The following GABPB1 variants were observed in gnomAD, a reference collection of about 807,000 sequenced individuals.
The protein encoded by GABPB1 is GA binding protein transcription factor subunit beta 1, also known as GA-binding protein subunit beta-1.
GABPB1 carries 15 observed loss-of-function variants against 45.9 expected under a neutral mutation model. The ratio of observed to expected loss-of-function variants is 0.33; its 90% CI spans 0.22 to 0.50. The LOEUF (loss-of-function observed/expected upper bound fraction) is 0.50, where lower values mean the gene tolerates loss of function less well. GABPB1 is among the 20% of genes least tolerant of loss of function. GABPB1 has a pLI of 0.98. For missense variants in GABPB1, 252 were observed against 457.5 expected (o/e 0.55, Z 4.10); for synonymous variants, 143 against 154.4 (o/e 0.93, Z 0.55).
chr15:50,321,069 T>C (rs2047553353), intron 1 of GABPB1, among the ~76,000 whole-genome samples: 1 of 152,214 alleles, frequency 6.6e-6, no homozygotes. Context: ...TATTACACGA[T>C]AGGAATAGGA....
intron 8 of GABPB1, among the ~76,000 whole-genome samples, chr15:50,282,066 T>C (rs1595726515): frequency 6.6e-6 from 1 of 152,132 alleles, no homozygotes; most frequent in Non-Finnish European, 1.5e-5. Context: ...GGCATGGTGG[T>C]GTAGCCTGTA....
At chr15:50,337,161 T>C (rs1244120729) in intron 1 of GABPB1, among the ~76,000 whole-genome samples, 2 of 121,702 alleles carry the variant, frequency 1.6e-5, no homozygotes, top group Non-Finnish European at 3.4e-5. Flanking sequence ...TCCAAAACTC[T>C]AGCCCAGCCC....
chr15:50,307,485 C>T (rs1046149092), intron 2 of GABPB1, among the ~76,000 whole-genome samples: 2 of 152,120 alleles, frequency 1.3e-5, no homozygotes, highest in South Asian at 2.1e-4. Flanking sequence ...GGGCTGATCA[C>T]GGGGTCAGGA....
rs1046206021 is a variant in GABPB1 at position 50,354,416 on chromosome 15, C to G, written c.-1+569G>C. 63 of 451,584 alleles carry G rather than the reference C, an allele frequency of 1.4e-4. 1 individual carries two copies. Among genetic ancestry groups the G allele is most frequent in the African/African-American group, 1.3e-3 (62 of 49,058 alleles). 28.0% of individuals were successfully genotyped at this position (451,584 alleles called of 1,614,324 possible). A position where few individuals can be genotyped will look rare whatever the true frequency, so the allele number is the denominator to read the frequency against. On this transcript the variant is annotated intron_variant, in intron 1 of 8. Transcript: ENST00000380877. ...TGGTCCGGCCGATCCCGCCGCGACC[C>G]GAGCGCCTCTCGGCCCCGCAGCACA...
intron 1 of GABPB1, among the ~76,000 whole-genome samples, chr15:50,314,195 A>ATT (rs543031188): frequency 6.7e-6 from 1 of 149,638 alleles, no homozygotes; most frequent in Non-Finnish European, 1.5e-5. Flanking sequence ...TTATTTATTT[A>ATT]TTTTTTGAGA....
At chr15:50,343,984 T>C (rs1392816066) in intron 1 of GABPB1, among the ~76,000 whole-genome samples, 3 of 152,206 alleles carry the variant, frequency 2.0e-5, no homozygotes, top group Admixed American at 6.5e-5. Flanking sequence ...TAACATCACG[T>C]ATTTGTTTAC....
At chr15:50,345,707 T>C (rs2048544706) in intron 1 of GABPB1, among the ~76,000 whole-genome samples, 1 of 123,310 alleles carries the variant, frequency 8.1e-6, no homozygotes, top group African/African-American at 3.3e-5. Context: ...CAGATGTCTG[T>C]ACATTTTTTT....
intron 1 of GABPB1, among the ~76,000 whole-genome samples, chr15:50,311,992 C>A (rs2047144538): frequency 6.6e-6 from 1 of 152,116 alleles, no homozygotes; most frequent in African/African-American, 2.4e-5. Flanking sequence ...CCCAAACAGG[C>A]CTTCGTCACA....
In GABPB1 at chr15:50,289,670, T is replaced by C. The variant is rs765851641; in HGVS notation, c.698-2A>G. ...TAACTACTTCTTCTGTGGCCACTAC[T>C]GGAAAAAAAAAAAAGAAAACTCAGC... On this transcript the variant is annotated splice_acceptor_variant, in intron 6 of 8. Coordinates refer to ENST00000380877, the MANE Select transcript of GABPB1 (RefSeq NM_016654.5). LOFTEE classifies it high-confidence loss of function. 4 of 1,579,186 alleles carry C rather than the reference T, an allele frequency of 2.5e-6. No individual in the cohort carries two copies. The highest frequency in any genetic ancestry group is 2.6e-6 in the Non-Finnish European group (3 of 1,167,942).
intron 1 of GABPB1, among the ~76,000 whole-genome samples, chr15:50,311,176 A>G (rs548944965): frequency 7.7e-4 from 117 of 152,318 alleles, no homozygotes; most frequent in African/African-American, 2.7e-3. Context: ...TGAATGTATC[A>G]CAAACATTCA....
intron 6 of GABPB1, among the ~76,000 whole-genome samples, chr15:50,295,617 C>T (rs1239194574): frequency 7.2e-6 from 1 of 139,534 alleles, no homozygotes; most frequent in Non-Finnish European, 1.5e-5. Context: ...ATCTGTAATT[C>T]CCAAAAAAAA....
chr15:50,331,738 A>T (rs183042213), intron 1 of GABPB1, among the ~76,000 whole-genome samples: 123 of 152,274 alleles, frequency 8.1e-4, no homozygotes, highest in Admixed American at 1.8e-3. Context: ...TCCAGGCAAG[A>T]GCTGCTGGCA....
intron 7 of GABPB1, among the ~76,000 whole-genome samples, chr15:50,286,613 A>G (rs1016637830): frequency 6.6e-6 from 1 of 152,152 alleles, no homozygotes; most frequent in Non-Finnish European, 1.5e-5. Flanking sequence ...TATACAATAG[A>G]TATATTGTTC....
intron 1 of GABPB1, among the ~76,000 whole-genome samples, chr15:50,338,621 A>T (rs374394245): frequency 1.3e-5 from 2 of 151,810 alleles, no homozygotes; most frequent in African/African-American, 4.8e-5. Flanking sequence ...CTACAGGCAA[A>T]CACCACCATG....
chr15:50,292,057 G>A (rs369791253), intron 6 of GABPB1, among the ~76,000 whole-genome samples: 8 of 151,924 alleles, frequency 5.3e-5, no homozygotes, highest in Admixed American at 2.0e-4. Flanking sequence ...CATTGCGGCC[G>A]GGCGCGGTGG....
chr15:50,339,182 G>A (rs1487176547), intron 1 of GABPB1, among the ~76,000 whole-genome samples: 1 of 152,170 alleles, frequency 6.6e-6, no homozygotes, highest in African/African-American at 2.4e-5. Flanking sequence ...GCCAGGCATG[G>A]TGGTGCGTGC....
At chr15:50,330,781 T>C (rs1244273345) in intron 1 of GABPB1, among the ~76,000 whole-genome samples, 2 of 152,242 alleles carry the variant, frequency 1.3e-5, no homozygotes, top group East Asian at 3.8e-4. Context: ...TTTCTCTTCA[T>C]TCAACAAACA....
chr15:50,279,306 T>A (rs918012645), intron 8 of GABPB1, among the ~76,000 whole-genome samples: 1 of 152,158 alleles, frequency 6.6e-6, no homozygotes, highest in African/African-American at 2.4e-5. Flanking sequence ...TCTCCCAAGG[T>A]CACATAGTAA....
intron 1 of GABPB1, among the ~76,000 whole-genome samples, chr15:50,337,075 G>GTGCATATATA (rs1283881585): frequency 7.0e-5 from 1 of 14,212 alleles, no homozygotes; most frequent in Admixed American, 9.5e-4. Flanking sequence ...ATATGTGTGT[G>GTGCATATATA]TATATATATA....
Sources: gnomAD v4.1 joint callset for allele counts (sites outside exome capture counted in the v4.1 genomes callset) on GRCh38, gnomAD v4.1.1 for gene constraint, MANE v1.5 for transcripts, NCBI Gene and HGNC (gene_info 2026-07-23, HGNC 2026-07-21) for gene names.